The following GTF2E2 variants were observed in gnomAD, a reference collection of about 807,000 sequenced individuals.
GTF2E2 encodes general transcription factor IIE subunit 2.
A neutral mutation model predicts 40.5 loss-of-function variants in GTF2E2; 21 were observed. That is an observed-to-expected ratio of 0.52 (90% confidence interval 0.37 to 0.75). The LOEUF (loss-of-function observed/expected upper bound fraction) is 0.75. Ranked by LOEUF, GTF2E2 falls within the 30% of genes least tolerant of loss-of-function variation. GTF2E2 has a pLI of 0.00. For synonymous variants in GTF2E2, 117 were observed against 121.6 expected, an observed-to-expected ratio of 0.96 and a Z score of 0.25; for missense variants, 298 against 338.4, an observed-to-expected ratio of 0.88 and a Z score of 0.94.
intron 4 of GTF2E2, among the ~76,000 whole-genome samples, chr8:30,614,020 C>T (rs574668831): frequency 6.6e-6 from 1 of 152,224 alleles, no homozygotes; most frequent in East Asian, 1.9e-4. Flanking sequence ...TTTCCTAAAA[C>T]AAAAACAATT....
At chr8:30,591,902 T>C (rs1053276526) in intron 6 of GTF2E2, among the ~76,000 whole-genome samples, 5 of 152,176 alleles carry the variant, frequency 3.3e-5, no homozygotes, top group Admixed American at 6.6e-5. Flanking sequence ...ACATGAAAAG[T>C]GTATGGCCAT....
intron 6 of GTF2E2, among the ~76,000 whole-genome samples, chr8:30,606,589 T>TAC (rs1829320971): frequency 6.6e-6 from 1 of 152,196 alleles, no homozygotes; most frequent in Non-Finnish European, 1.5e-5. Context: ...AGATTCAATA[T>TAC]ACAGCTTAGC....
At position 30,598,576 on chromosome 8, in the gene GTF2E2, A is replaced by T. The variant is rs544225318; in HGVS notation, c.643+8481T>A. On this transcript the variant is annotated intron_variant, in intron 6 of 7. Transcript: ENST00000355904. Reference sequence around the variant, plus strand: ...TTATACTTAATCCCTGCCTTTCCTTAGCTCAATGCTGTTGCAATATTTAAA... The same window carrying T: ...TTATACTTAATCCCTGCCTTTCCTTTGCTCAATGCTGTTGCAATATTTAAA... Among the ~76,000 whole-genome samples the T allele has an allele frequency of 2.6e-5, 4 of 152,314 alleles. No individual in the cohort carries two copies. In the South Asian group the frequency reaches 8.3e-4, roughly 32 times the overall value.
chr8:30,605,040 C>G (rs983539198), intron 6 of GTF2E2, among the ~76,000 whole-genome samples: 4 of 152,178 alleles, frequency 2.6e-5, no homozygotes, highest in African/African-American at 9.7e-5. Flanking sequence ...CAGTGTACTC[C>G]TAAAATAACC....
At chr8:30,655,647 T>G (rs1293293225) in intron 1 of GTF2E2, among the ~76,000 whole-genome samples, 2 of 152,216 alleles carry the variant, frequency 1.3e-5, no homozygotes, top group African/African-American at 4.8e-5. Flanking sequence ...TTACGGAAGA[T>G]AAATCCTTGT....
chr8:30,658,143 T>TGGCGGCGGCGGCGGCGGC lies in GTF2E2; in HGVS notation c.-193_-176dup, dbSNP rs576140574. ...CAGGTCGGGGTCTCACCACTGGCGG[T>TGGCGGCGGCGGCGGCGGC]GGCGGCGGCGGCGGCGGCAGCGGCG... On this transcript the variant is annotated 5_prime_UTR_variant, in exon 1 of 8. Transcript: ENST00000355904. 1.6e-4 allele frequency: 29 copies of TGGCGGCGGCGGCGGCGGC among 185,720 alleles called. 7 individuals carry two copies. Among genetic ancestry groups the TGGCGGCGGCGGCGGCGGC allele is most frequent in the East Asian group, 7.1e-4 (4 of 5,634 alleles). 11.5% of individuals were successfully genotyped at this position (185,720 alleles called of 1,614,324 possible).
intron 6 of GTF2E2, among the ~76,000 whole-genome samples, chr8:30,583,998 G>A (rs1156396565): frequency 1.3e-5 from 2 of 148,614 alleles, no homozygotes; most frequent in Non-Finnish European, 2.9e-5. Flanking sequence ...AGTAGAGACA[G>A]GGTTTCACCG....
intron 6 of GTF2E2, among the ~76,000 whole-genome samples, chr8:30,590,605 G>C (rs1027879643): frequency 1.8e-4 from 27 of 152,136 alleles, no homozygotes; most frequent in Admixed American, 1.5e-3. Context: ...AAATCTTCAT[G>C]ACCTTGGATT....
At chr8:30,599,684 A>G (rs1157336259) in intron 6 of GTF2E2, among the ~76,000 whole-genome samples, 1 of 152,042 alleles carries the variant, frequency 6.6e-6, no homozygotes, top group East Asian at 1.9e-4. Context: ...CCATGTAGCC[A>G]TTTAAAAAAT....
chr8:30,599,133 AAATTGGC>A (rs1428825859), intron 6 of GTF2E2, among the ~76,000 whole-genome samples: 3 of 152,280 alleles, frequency 2.0e-5, no homozygotes, highest in African/African-American at 7.2e-5. Context: ...GTGGAGGTAT[AAATTGGC>A]CCAATTTTAC....
At chr8:30,590,647 C>G (rs1828819266) in intron 6 of GTF2E2, among the ~76,000 whole-genome samples, 1 of 151,782 alleles carries the variant, frequency 6.6e-6, no homozygotes, top group Admixed American at 6.6e-5. Flanking sequence ...ACCAAAAGCA[C>G]AAGCAGCAAA....
intron 6 of GTF2E2, among the ~76,000 whole-genome samples, chr8:30,602,745 A>G: frequency 7.5e-6 from 1 of 133,672 alleles, no homozygotes; most frequent in Non-Finnish European, 1.6e-5. Context: ...CAAGAGCGAA[A>G]CTCCGTCTCA....
intron 5 of GTF2E2, among the ~76,000 whole-genome samples, chr8:30,607,865 C>A (rs183089245): frequency 9.2e-5 from 14 of 151,992 alleles, no homozygotes; most frequent in African/African-American, 3.4e-4. Flanking sequence ...GCTTTTAAAA[C>A]GCTAAAATAA....
chr8:30,652,614 G>A (rs1802319163), intron 2 of GTF2E2, among the ~76,000 whole-genome samples: 1 of 151,472 alleles, frequency 6.6e-6, no homozygotes, highest in African/African-American at 2.4e-5. Context: ...CTGATACATT[G>A]CTGGAGGAAA....
intron 5 of GTF2E2, among the ~76,000 whole-genome samples, chr8:30,609,963 C>G (rs984425180): frequency 6.6e-6 from 1 of 152,160 alleles, no homozygotes; most frequent in African/African-American, 2.4e-5. Flanking sequence ...TGAGTAGACA[C>G]CAGCATCATG....
rs549569558 is a variant in GTF2E2 at position 30,645,362 on chromosome 8, G to C, written c.166+8071C>G. 7 of 1,535,640 alleles carry C rather than the reference G, an allele frequency of 4.6e-6. No individual in the cohort carries two copies. In the African/African-American group the frequency reaches 9.6e-5, roughly 21 times the overall value. On this transcript the variant is annotated intron_variant, in intron 2 of 7. Transcript: ENST00000355904. ...ACTACCTCTGTTTATCAGTACCTTG[G>C]TTTTCAAGTTCAAAAAATTTACCCT...
intron 6 of GTF2E2, among the ~76,000 whole-genome samples, chr8:30,602,858 TGCCTG>T (rs1829221491): frequency 6.6e-6 from 1 of 152,140 alleles, no homozygotes; most frequent in Admixed American, 6.5e-5. Context: ...CTATTCCCTC[TGCCTG>T]GATACTCGCC....
Position 30,648,917 on chromosome 8 carries a change from A to T in GTF2E2, c.166+4516T>A, listed in dbSNP as rs1339497514. On this transcript the variant is annotated intron_variant, in intron 2 of 7. Transcript: ENST00000355904. ...CCCTGGCCAACCAAAGAGAAGTAAA[A>T]CCCTACAAGGGCTCTTCCTGCTGTC... is the stretch of plus-strand genomic sequence containing the variant. 2.0e-5 allele frequency among the ~76,000 whole-genome samples: 3 copies of T among 152,204 alleles called. No homozygotes were observed. The East Asian group carries it at 5.8e-4, about 29-fold the overall frequency.
intron 6 of GTF2E2, among the ~76,000 whole-genome samples, chr8:30,587,435 T>G (rs1350659684): frequency 6.8e-6 from 1 of 148,034 alleles, no homozygotes. Context: ...AAAAATTATA[T>G]ATATTTTCCA....
Sources: gnomAD v4.1 joint callset for allele counts (sites outside exome capture counted in the v4.1 genomes callset) on GRCh38, gnomAD v4.1.1 for gene constraint, MANE v1.5 for transcripts, NCBI Gene and HGNC (gene_info 2026-07-23, HGNC 2026-07-21) for gene names.